ZMAT4: variants seen among roughly 807,000 people sequenced by gnomAD.
ZMAT4 encodes the protein zinc finger matrin-type 4.
Under a neutral mutation model 28.7 loss-of-function variants are expected in ZMAT4, and 17 were observed. That is an observed-to-expected ratio of 0.59 (90% confidence interval 0.41 to 0.89). The LOEUF is 0.89. ZMAT4 is among the 40% of genes least tolerant of loss of function. ZMAT4 has a pLI of 0.00. For missense variants in ZMAT4, 240 were observed against 283.8 expected (o/e 0.85, Z 1.11); for synonymous variants, 117 against 109.2 (o/e 1.07, Z -0.44).
chr8:40,743,498 C>G (rs1452056146), intron 3 of ZMAT4, among the ~76,000 whole-genome samples: 1 of 152,198 alleles, frequency 6.6e-6, no homozygotes, highest in Non-Finnish European at 1.5e-5. Context: ...GGCTAAAACC[C>G]AGGGGCTGTT....
intron 5 of ZMAT4, among the ~76,000 whole-genome samples, chr8:40,645,511 A>C (rs115615445): frequency 6.6e-6 from 1 of 152,188 alleles, no homozygotes; most frequent in African/African-American, 2.4e-5. Flanking sequence ...TTGAATAAAC[A>C]TTTGTAAAAA....
intron 2 of ZMAT4, among the ~76,000 whole-genome samples, chr8:40,777,690 T>C (rs1452640947): frequency 2.0e-5 from 3 of 151,986 alleles, no homozygotes; most frequent in African/African-American, 7.3e-5. Context: ...TAGCCACTGA[T>C]TTCGAGTGAG....
At chr8:40,647,774 C>T (rs530641145) in intron 5 of ZMAT4, among the ~76,000 whole-genome samples, 75 of 152,268 alleles carry the variant, frequency 4.9e-4, no homozygotes, top group African/African-American at 1.7e-3. Context: ...GACCCCTGAC[C>T]CCCGAGCAGC....
intron 6 of ZMAT4, among the ~76,000 whole-genome samples, chr8:40,558,636 G>C (rs1472313183): frequency 6.6e-6 from 1 of 152,092 alleles, no homozygotes; most frequent in African/African-American, 2.4e-5. Flanking sequence ...ATCATTGGCT[G>C]ACATCAAGTA....
rs577258614 is a variant in ZMAT4 at position 40,779,397 on chromosome 8, A to G, written c.103-11667T>C. 1.5e-3 allele frequency among the ~76,000 whole-genome samples: 233 copies of G among 152,092 alleles called. 1 individual carries two copies. The highest frequency in any genetic ancestry group is 5.2e-3 in the African/African-American group (214 of 41,506). On this transcript the variant is annotated intron_variant, in intron 2 of 6. Coordinates refer to ENST00000297737, the MANE Select transcript of ZMAT4 (RefSeq NM_024645.3). ...CAAGAAACGCCCAGAGCTCTATGTC[A>G]TGCCTCTCCCTCAACTAGAGGGACC...
At chr8:40,609,173 T>A (rs1805706019) in intron 5 of ZMAT4, among the ~76,000 whole-genome samples, 1 of 152,180 alleles carries the variant, frequency 6.6e-6, no homozygotes, top group Non-Finnish European at 1.5e-5. Flanking sequence ...AGTAAATTAG[T>A]AGGAAAATAT....
At chr8:40,675,677 A>G (rs1808879753) in intron 4 of ZMAT4, among the ~76,000 whole-genome samples, 1 of 152,200 alleles carries the variant, frequency 6.6e-6, no homozygotes, top group African/African-American at 2.4e-5. Flanking sequence ...ATTAACCAAT[A>G]AATAAAGGAT....
chr8:40,542,960 T>G (rs1439744280), intron 6 of ZMAT4, among the ~76,000 whole-genome samples: 1 of 152,210 alleles, frequency 6.6e-6, no homozygotes, highest in African/African-American at 2.4e-5. Flanking sequence ...CTGGCCAACG[T>G]CATTGCAGCA....
intron 3 of ZMAT4, among the ~76,000 whole-genome samples, chr8:40,701,006 T>C (rs1180423905): frequency 6.6e-6 from 1 of 152,104 alleles, no homozygotes; most frequent in Non-Finnish European, 1.5e-5. Context: ...ATTAGTAACT[T>C]GTATGACATA....
At chr8:40,679,624 T>C (rs935713322) in intron 4 of ZMAT4, among the ~76,000 whole-genome samples, 6 of 152,158 alleles carry the variant, frequency 3.9e-5, no homozygotes, top group Non-Finnish European at 8.8e-5. Context: ...GTAACCACCC[T>C]CATGATTCAA....
chr8:40,647,436 G>A (rs1247596929), intron 5 of ZMAT4, among the ~76,000 whole-genome samples: 2 of 152,184 alleles, frequency 1.3e-5, no homozygotes, highest in African/African-American at 4.8e-5. Flanking sequence ...CACCCACGGA[G>A]TCTAGCTGAT....
intron 1 of ZMAT4, among the ~76,000 whole-genome samples, chr8:40,844,878 C>T (rs978997251): frequency 6.6e-6 from 1 of 152,136 alleles, no homozygotes; most frequent in Admixed American, 6.5e-5. Context: ...TGCATAATGT[C>T]ACATGGACTG....
chr8:40,801,744 C>G (rs1814860243), intron 2 of ZMAT4, among the ~76,000 whole-genome samples: 1 of 152,106 alleles, frequency 6.6e-6, no homozygotes, highest in African/African-American at 2.4e-5. Context: ...CAGCATTACT[C>G]TAGTACCAAA....
At chr8:40,736,444 A>G (rs1259422437) in intron 3 of ZMAT4, among the ~76,000 whole-genome samples, 2 of 152,238 alleles carry the variant, frequency 1.3e-5, no homozygotes, top group Admixed American at 6.5e-5. Flanking sequence ...CACAGTCTCA[A>G]GTGGCATCTC....
At position 40,801,341 on chromosome 8, in the gene ZMAT4, T is replaced by TAAA. The variant is rs201742506; in HGVS notation, c.102+24231_102+24233dup. ...GGTGTCTTTCAGATGATACTTTCTT[T>TAAA]AAAAAAAAAAATATATATATATATA... On this transcript the variant is annotated intron_variant, in intron 2 of 6. Coordinates refer to ENST00000297737, the MANE Select transcript of ZMAT4 (RefSeq NM_024645.3). 3.1e-3 allele frequency among the ~76,000 whole-genome samples: 353 copies of TAAA among 114,268 alleles called. 2 individuals are homozygous for TAAA. The highest frequency in any genetic ancestry group is 0.011 in the African/African-American group (329 of 29,592). The allele number at this position is 114,268 out of a possible 152,430, so 75.0% of individuals were successfully genotyped here. A position where few individuals can be genotyped will look rare whatever the true frequency, so the allele number is the denominator to read the frequency against.
At chr8:40,801,354 A>ATATATATATATATATG (rs1563493696) in intron 2 of ZMAT4, among the ~76,000 whole-genome samples, 22 of 59,568 alleles carry the variant, frequency 3.7e-4, no homozygotes, top group African/African-American at 1.3e-3. Context: ...AAAAAAAAAT[A>ATATATATATATATATG]TATATATATA....
chr8:40,665,669 A>G (rs988289443), intron 5 of ZMAT4, among the ~76,000 whole-genome samples: 1 of 152,204 alleles, frequency 6.6e-6, no homozygotes, highest in Non-Finnish European at 1.5e-5. Context: ...CAAGTTTTCT[A>G]CACAAAAAAT....
At chr8:40,841,417 T>C (rs1247659559) in intron 1 of ZMAT4, among the ~76,000 whole-genome samples, 1 of 152,198 alleles carries the variant, frequency 6.6e-6, no homozygotes, top group Non-Finnish European at 1.5e-5. Context: ...GCCTGCTCCC[T>C]GTCCCTTCCA....
At chr8:40,820,435 G>A (rs1815721489) in intron 2 of ZMAT4, among the ~76,000 whole-genome samples, 1 of 149,132 alleles carries the variant, frequency 6.7e-6, no homozygotes, top group Non-Finnish European at 1.5e-5. Flanking sequence ...GTGTGCTTAT[G>A]TGTGTATTTG....
Sources: gnomAD v4.1 joint callset for allele counts (sites outside exome capture counted in the v4.1 genomes callset) on GRCh38, gnomAD v4.1.1 for gene constraint, MANE v1.5 for transcripts, NCBI Gene and HGNC (gene_info 2026-07-23, HGNC 2026-07-21) for gene names.